DNAI2: variants seen among roughly 807,000 people sequenced by gnomAD.
DNAI2 encodes the protein dynein axonemal intermediate chain 2.
Under a neutral mutation model 74.7 loss-of-function variants are expected in DNAI2, and 63 were observed. That is an observed-to-expected ratio of 0.84 (90% CI 0.69 to 1.04). DNAI2 has a LOEUF of 1.04. Ranked by LOEUF, DNAI2 falls within the 50% of genes least tolerant of loss-of-function variation. The probability of loss-of-function intolerance (pLI) is 0.00; values close to 1 mark genes in which losing one functional copy is unlikely to be tolerated. For synonymous variants in DNAI2, 289 were observed against 314.9 expected, an observed-to-expected ratio of 0.92 and a Z score of 0.87; for missense variants, 688 against 803.2, an observed-to-expected ratio of 0.86 and a Z score of 1.73.
In DNAI2 at chr17:74,281,979, G is replaced by A. The variant is rs199562768; in HGVS notation, c.162G>A (p.Ser54=). ...RNPVDTGIQC[S]ISMSEHEANS... is the part of the protein sequence containing the mutation. ...CAGTGGACACGGGCATCCAGTGCTCGATCAGCATGTCGGAACACGAGGTGG... is the reference window on the plus strand; with the variant it reads ...CAGTGGACACGGGCATCCAGTGCTCAATCAGCATGTCGGAACACGAGGTGG... The change falls in exon 2 of 14, where the codon TCG becomes TCA. Residue 54 remains serine (S), a synonymous_variant. Transcript: ENST00000311014. 2.2e-5 allele frequency: 36 copies of A among 1,614,086 alleles called. No homozygotes were observed. The East Asian group carries it at 5.6e-4, about 25-fold the overall frequency.
chr17:74,287,784 G>C (rs1437979204), intron 4 of DNAI2, among the ~76,000 whole-genome samples: 1 of 152,144 alleles, frequency 6.6e-6, no homozygotes, highest in Non-Finnish European at 1.5e-5. Context: ...GCAAAACCCC[G>C]TCTCTACTAA....
intron 6 of DNAI2, among the ~76,000 whole-genome samples, chr17:74,297,383 T>C (rs1334134350): frequency 7.0e-6 from 1 of 143,622 alleles, no homozygotes; most frequent in Non-Finnish European, 1.5e-5. Context: ...TGAGCCACCG[T>C]GCCCAGACTT....
At chr17:74,288,610 A>C (rs907251735) in intron 4 of DNAI2, among the ~76,000 whole-genome samples, 1 of 152,218 alleles carries the variant, frequency 6.6e-6, no homozygotes, top group Non-Finnish European at 1.5e-5. Context: ...CCCCAGGAAC[A>C]GAATACCCCA....
chr17:74,299,671 GA>G, intron 6 of DNAI2, 46 bp from the exon 7 acceptor site: 1 of 1,611,856 alleles, frequency 6.2e-7, no homozygotes, highest in Non-Finnish European at 8.5e-7. Flanking sequence ...CCTAAGGAAG[GA>G]AGCCTGTGCC....
chr17:74,296,314 AGAGAGAGAGAGAGAGAGAG>A (rs898690893), intron 6 of DNAI2, among the ~76,000 whole-genome samples: 8 of 88,398 alleles, frequency 9.0e-5, no homozygotes, highest in Admixed American at 5.6e-4. Flanking sequence ...GCCTTTAAAG[AGAGAGAGAGAGAGAGAGAG>A]GAGAGAGAGA....
At chr17:74,309,129 C>T in intron 9 of DNAI2, 124 bp from the exon 10 acceptor site, 1 of 1,040,552 alleles carries the variant, frequency 9.6e-7, no homozygotes, top group Non-Finnish European at 1.4e-6. Flanking sequence ...AGAAGTCAGA[C>T]ACAAGGAAGA....
rs1391950762 is a variant in DNAI2, at chr17:74,314,127, C to T, written c.1729C>T (p.Pro577Ser). The change falls in exon 13 of 14, where the codon CCA becomes TCA. Residue 577 changes from proline to serine, a missense_variant. Pro to Ser is a moderately conservative substitution (Grantham distance 74, BLOSUM62 -1). Transcript: ENST00000311014. The part of the protein sequence containing the change: ...AIKLTPVPQQ[P>S]SPEEDQVVEE... The stretch of plus-strand genomic sequence containing the variant: ...GTGCTGTCTTCCCCTGCAGCAGCAA[C>T]CAAGTCCAGAAGAAGACCAGGTGGT... The T allele has an allele frequency of 1.2e-6, 2 of 1,614,016 alleles. No homozygotes were observed. Among genetic ancestry groups the T allele is most frequent in the Non-Finnish European group, 1.7e-6 (2 of 1,179,930 alleles).
At chr17:74,307,893 G>A (rs1165979778) in intron 9 of DNAI2, among the ~76,000 whole-genome samples, 1 of 151,954 alleles carries the variant, frequency 6.6e-6, no homozygotes, top group East Asian at 1.9e-4. Context: ...CACCTCCTGG[G>A]TTCAAGCAAT....
At chr17:74,310,602 G>T (rs1479529214) in intron 11 of DNAI2, among the ~76,000 whole-genome samples, 1 of 145,822 alleles carries the variant, frequency 6.9e-6, no homozygotes, top group Non-Finnish European at 1.5e-5. Context: ...GCAATGGTGA[G>T]ATCTAGGCTC....
intron 12 of DNAI2, among the ~76,000 whole-genome samples, chr17:74,313,448 T>C (rs1042139639): frequency 1.3e-5 from 2 of 152,162 alleles, no homozygotes; most frequent in African/African-American, 2.4e-5. Context: ...TGACGCCTAA[T>C]CCAGGGCTCC....
At chr17:74,310,535 T>TTTTA (rs887067027) in intron 11 of DNAI2, among the ~76,000 whole-genome samples, 1 of 151,608 alleles carries the variant, frequency 6.6e-6, no homozygotes, top group African/African-American at 2.4e-5. Context: ...ATTTAATTAT[T>TTTTA]TTTATTTATT....
intron 10 of DNAI2, chr17:74,309,807 G>A (rs191847579): frequency 1.5e-4 from 100 of 682,646 alleles, no homozygotes; most frequent in African/African-American, 3.0e-4. Context: ...ACTGTGAGGC[G>A]GAACTGAAGG....
Position 74,286,392 on chromosome 17 carries a change from T to C in DNAI2, c.346-585T>C, listed in dbSNP as rs561813814. 3.1e-4 allele frequency among the ~76,000 whole-genome samples: 47 copies of C among 152,102 alleles called. 2 individuals are homozygous for C. In the Middle Eastern group the frequency reaches 0.024, roughly 77 times the overall value. On this transcript the variant is annotated intron_variant, in intron 3 of 13. Transcript: ENST00000311014. ...ACCTTTTCTTCATTATTGGCCTTCA[T>C]GTTTTTTCTAATGGCCTTCTGCCTC...
At chr17:74,280,489 T>C (rs1232322742) in intron 1 of DNAI2, among the ~76,000 whole-genome samples, 1 of 152,176 alleles carries the variant, frequency 6.6e-6, no homozygotes, top group Non-Finnish European at 1.5e-5. Context: ...GTCCCGCCTG[T>C]TGGGGAAGCC....
At chr17:74,306,759 A>G (rs750360417) in intron 9 of DNAI2, among the ~76,000 whole-genome samples, 44 of 152,242 alleles carry the variant, frequency 2.9e-4, no homozygotes, top group Non-Finnish European at 5.4e-4. Flanking sequence ...CTGGGATTAC[A>G]GGCGCACGCC....
intron 4 of DNAI2, 22 bp from the exon 5 acceptor site, chr17:74,289,572 C>T (rs1383834780): frequency 1.9e-6 from 3 of 1,613,370 alleles, no homozygotes; most frequent in Non-Finnish European, 1.7e-6. Context: ...CAGCCTTCTG[C>T]TCTCTTCCCT....
chr17:74,285,102 C>A lies in DNAI2; in HGVS notation c.246C>A (p.Pro82=), dbSNP rs2051633336. 6.2e-7 allele frequency: 1 copy of A among 1,614,202 alleles called. No homozygotes were observed. The highest frequency in any genetic ancestry group is 8.5e-7 in the Non-Finnish European group (1 of 1,180,044). The stretch of plus-strand genomic sequence containing the variant: ...TTAACCATGTCGAGGGGGGCTGGCC[C>A]AAGGACGTGAACCCCCTGGAGCTGG... The part of the protein sequence containing the change: ...RGVNHVEGGW[P]KDVNPLELEQ... Residue 82 remains proline, a synonymous_variant, in exon 3 of 14, where the codon CCC becomes CCA. Coordinates refer to ENST00000311014, the MANE Select transcript of DNAI2 (RefSeq NM_023036.6).
At chr17:74,305,914 T>C (rs4007904) in intron 9 of DNAI2, among the ~76,000 whole-genome samples, 102,956 of 151,958 alleles carry the variant, frequency 0.68, 35,654 homozygotes, top group African/African-American at 0.72. Flanking sequence ...TCAGGTGATC[T>C]GCCCACCTCG....
At chr17:74,295,036 C>T (rs779851526) in intron 6 of DNAI2, among the ~76,000 whole-genome samples, 52 of 152,088 alleles carry the variant, frequency 3.4e-4, no homozygotes, top group Non-Finnish European at 6.2e-4. Flanking sequence ...CCTGTAGCTT[C>T]TCTGCTATAT....
Sources: allele counts gnomAD v4.1 joint callset (sites outside exome capture counted in the v4.1 genomes callset), GRCh38; gene constraint gnomAD v4.1.1; transcripts MANE v1.5; gene names NCBI Gene and HGNC (gene_info 2026-07-23, HGNC 2026-07-21).